Variants in STRN3 observed in about 807,000 individuals in gnomAD.
STRN3 encodes the protein striatin 3.
STRN3 carries 29 observed loss-of-function variants against 95.6 expected under a neutral mutation model. The observed-to-expected ratio is 0.30, with a 90% CI of 0.23 to 0.41. The LOEUF (loss-of-function observed/expected upper bound fraction) is 0.41. Among genes scored for constraint, STRN3 ranks in the 10% least tolerant of loss-of-function variants. The pLI is 1.00. For missense variants in STRN3, 890 were observed against 972.1 expected (o/e 0.92, Z 1.12); for synonymous variants, 331 against 357.6 (o/e 0.93, Z 0.84).
intron 1 of STRN3, among the ~76,000 whole-genome samples, chr14:30,957,353 T>C (rs1022120200): frequency 6.9e-6 from 1 of 145,260 alleles, no homozygotes; most frequent in African/African-American, 2.6e-5. Context: ...CTCGGGAGGG[T>C]GAGGCAGAAG....
intron 1 of STRN3, among the ~76,000 whole-genome samples, chr14:31,007,237 C>T (rs1882760047): frequency 6.6e-6 from 1 of 152,166 alleles, no homozygotes; most frequent in Non-Finnish European, 1.5e-5. Context: ...GATACCAAAT[C>T]TTGAGAACAA....
In STRN3 at chr14:30,919,559, C is replaced by T. The variant is rs967512662; in HGVS notation, c.1100-453G>A. ...TAAAAACTTAACAAAGGAATAAGTA[C>T]GAGTAATTTTTATGAGGGTGCAACA... On this transcript the variant is annotated intron_variant, in intron 8 of 17. Transcript: ENST00000357479. 4.6e-5 allele frequency among the ~76,000 whole-genome samples: 7 copies of T among 152,138 alleles called. No homozygotes were observed. In the East Asian group the frequency reaches 1.2e-3, roughly 25 times the overall value.
chr14:30,915,928 G>C (rs1363247812), intron 9 of STRN3, among the ~76,000 whole-genome samples: 1 of 152,166 alleles, frequency 6.6e-6, no homozygotes, highest in Non-Finnish European at 1.5e-5. Context: ...CAAAAAATTA[G>C]TATTATACTC....
At chr14:30,949,489 T>G (rs1009580030) in intron 4 of STRN3, among the ~76,000 whole-genome samples, 1 of 152,066 alleles carries the variant, frequency 6.6e-6, no homozygotes, top group East Asian at 1.9e-4. Context: ...CATGCACCTG[T>G]AGTCCCAGCT....
At chr14:30,907,082 G>T (rs777920757) in intron 13 of STRN3, 38 bp from the exon 14 acceptor site, 159 of 1,590,478 alleles carry the variant, frequency 1.0e-4, no homozygotes, top group Non-Finnish European at 1.3e-4. Flanking sequence ...TTAGGTAAAA[G>T]AAGTTTAAAA....
intron 13 of STRN3, 31 bp downstream of exon 13, chr14:30,911,009 TA>T (rs3830860): frequency 0.7 from 1,115,592 of 1,603,134 alleles, 394,444 homozygotes; most frequent in Non-Finnish European, 0.73. Context: ...TCCATTCACT[TA>T]AAAAAAATAC....
At chr14:30,935,588 A>G (rs572683615) in intron 6 of STRN3, among the ~76,000 whole-genome samples, 1 of 152,342 alleles carries the variant, frequency 6.6e-6, no homozygotes, top group South Asian at 2.1e-4. Flanking sequence ...TTAGTCCTCC[A>G]TTAAAGAACC....
intron 1 of STRN3, among the ~76,000 whole-genome samples, chr14:31,021,789 A>G (rs1183859240): frequency 6.6e-6 from 1 of 152,210 alleles, no homozygotes; most frequent in Non-Finnish European, 1.5e-5. Flanking sequence ...ATGAACAGAA[A>G]ACATAGTGTT....
intron 1 of STRN3, among the ~76,000 whole-genome samples, chr14:30,971,796 G>C (rs1389075966): frequency 6.6e-6 from 1 of 152,154 alleles, no homozygotes; most frequent in African/African-American, 2.4e-5. Flanking sequence ...TAAATGGAAA[G>C]GAATAATAGC....
intron 1 of STRN3, among the ~76,000 whole-genome samples, chr14:30,966,969 G>A (rs1566463401): frequency 6.6e-6 from 1 of 152,006 alleles, no homozygotes; most frequent in African/African-American, 2.4e-5. Flanking sequence ...GGACAAGCAG[G>A]ACAAGACACC....
intron 1 of STRN3, among the ~76,000 whole-genome samples, chr14:30,995,743 A>G (rs1458026795): frequency 6.6e-6 from 1 of 152,218 alleles, no homozygotes; most frequent in Non-Finnish European, 1.5e-5. Flanking sequence ...AAAGAAAAGT[A>G]TGACAATTTT....
At chr14:30,949,159 T>C (rs1879512334) in intron 4 of STRN3, among the ~76,000 whole-genome samples, 1 of 152,172 alleles carries the variant, frequency 6.6e-6, no homozygotes, top group African/African-American at 2.4e-5. Flanking sequence ...TCCTGACACT[T>C]GGTTGTTCAT....
chr14:31,006,734 CA>C (rs367784989), intron 1 of STRN3, among the ~76,000 whole-genome samples: 1 of 149,166 alleles, frequency 6.7e-6, no homozygotes, highest in Non-Finnish European at 1.5e-5. Flanking sequence ...ATCACACATA[CA>C]AAAAAAAAGG....
At chr14:30,937,824 G>A (rs1333724536) in intron 5 of STRN3, among the ~76,000 whole-genome samples, 1 of 152,092 alleles carries the variant, frequency 6.6e-6, no homozygotes, top group Non-Finnish European at 1.5e-5. Context: ...ATAAAACTCA[G>A]GGAGGGTTTT....
chr14:30,991,022 T>C (rs1285747325), intron 1 of STRN3, among the ~76,000 whole-genome samples: 2 of 152,184 alleles, frequency 1.3e-5, no homozygotes, highest in Non-Finnish European at 2.9e-5. Flanking sequence ...AGCATTAACA[T>C]CATCACAGCT....
intron 14 of STRN3, 78 bp from the exon 15 acceptor site, chr14:30,905,636 T>G (rs1156332194): frequency 2.6e-5 from 38 of 1,478,040 alleles, no homozygotes; most frequent in Non-Finnish European, 3.4e-5. Flanking sequence ...ATCTCTGTTT[T>G]TCTAATCAGA....
intron 16 of STRN3, among the ~76,000 whole-genome samples, chr14:30,900,079 C>T (rs529674691): frequency 4.4e-4 from 67 of 152,192 alleles, no homozygotes; most frequent in Non-Finnish European, 7.6e-4. Flanking sequence ...ATATCCAGGC[C>T]GGGCGCAGTG....
rs1354476595 is a variant in STRN3, at chr14:30,929,210, C to CT, written c.1089dup (p.Gly364ArgfsTer16). ...CAGAATCTGCACTTACTCTTCACCC[C>CT]TTTCTTCCCCTTTCGTTCCTTCTTG... On this transcript the variant is annotated frameshift_variant, in exon 8 of 18. Coordinates refer to ENST00000357479, the MANE Select transcript of STRN3 (RefSeq NM_001083893.2). LOFTEE classifies it high-confidence loss of function. 2 of 1,608,974 alleles carry CT rather than the reference C, an allele frequency of 1.2e-6. No individual in the cohort carries two copies. The highest frequency in any genetic ancestry group is 1.7e-6 in the Non-Finnish European group (2 of 1,177,948).
chr14:31,026,212 A>C lies in STRN3; in HGVS notation c.-27T>G. On this transcript the variant is annotated 5_prime_UTR_variant, in exon 1 of 18. Transcript: ENST00000357479. ...GTGTGTGGGGCCCCGGCCGGGGCGC[A>C]GGGCGAGACGCCGACAGCTGGGGGA... The C allele has an allele frequency of 7.2e-7, 1 of 1,387,718 alleles. No homozygotes were observed. The highest frequency in any genetic ancestry group is 1.6e-5 in the South Asian group (1 of 62,234). The allele number at this position is 1,387,718 out of a possible 1,614,324, so 86.0% of individuals were successfully genotyped here. A position where few individuals can be genotyped will look rare whatever the true frequency, so the allele number is the denominator to read the frequency against.
Sources: gnomAD v4.1 joint callset for allele counts (sites outside exome capture counted in the v4.1 genomes callset) on GRCh38, gnomAD v4.1.1 for gene constraint, MANE v1.5 for transcripts, NCBI Gene and HGNC (gene_info 2026-07-23, HGNC 2026-07-21) for gene names.